The following PFDN1 variants were observed in gnomAD, a reference collection of about 807,000 sequenced individuals.
PFDN1 encodes the protein prefoldin subunit 1.
PFDN1 carries 6 observed loss-of-function variants against 17.3 expected under a neutral mutation model. The observed-to-expected ratio is 0.35, with a 90% CI of 0.19 to 0.69. The LOEUF (loss-of-function observed/expected upper bound fraction) is 0.69. Among genes scored for constraint, PFDN1 ranks in the 30% least tolerant of loss-of-function variants. The probability of loss-of-function intolerance (pLI) is 0.65; values close to 1 mark genes in which losing one functional copy is unlikely to be tolerated. For synonymous variants in PFDN1, 58 were observed against 50.1 expected (o/e 1.16, Z -0.67); for missense variants, 113 against 146.2 (o/e 0.77, Z 1.17).
At chr5:140,258,127 G>T (rs1765013461) in intron 3 of PFDN1, among the ~76,000 whole-genome samples, 1 of 152,160 alleles carries the variant, frequency 6.6e-6, no homozygotes, top group African/African-American at 2.4e-5. Flanking sequence ...CCATATTAAA[G>T]TTCTGGAATT....
chr5:140,271,200 T>C (rs557372269), intron 3 of PFDN1, among the ~76,000 whole-genome samples: 2 of 152,296 alleles, frequency 1.3e-5, no homozygotes, highest in South Asian at 4.1e-4. Context: ...CATTAAGCCC[T>C]AAGACATCAG....
At position 140,254,460 on chromosome 5, in the gene PFDN1, CT is replaced by C. The variant is rs936208905; in HGVS notation, c.286-8404del. 6.6e-6 allele frequency among the ~76,000 whole-genome samples: 1 copy of C among 152,154 alleles called. No homozygotes were observed. Among genetic ancestry groups the C allele is most frequent in the African/African-American group, 2.4e-5 (1 of 41,410 alleles). ...CATGGCATCATGCTTAGCCACCGGA[CT>C]CCCCCCTCCTTGTTGCTTCAATCTT... On this transcript the variant is annotated intron_variant, in intron 3 of 3. Coordinates refer to ENST00000261813, the MANE Select transcript of PFDN1 (RefSeq NM_002622.5). The surrounding 1 kb of genome is among the most constrained non-coding windows in gnomAD (Gnocchi z 4.4).
intron 3 of PFDN1, chr5:140,273,902 G>A: frequency 1.0e-6 from 1 of 984,780 alleles, no homozygotes; most frequent in Non-Finnish European, 1.2e-6. Context: ...TAGGTTGAAG[G>A]CTGACTTTAG....
chr5:140,302,677 G>T (rs11744366), intron 1 of PFDN1, among the ~76,000 whole-genome samples: 2,193 of 152,290 alleles, frequency 0.014, 18 homozygotes, highest in Middle Eastern at 0.034. Flanking sequence ...GGATGCCACA[G>T]CTCAGGCAAG....
At chr5:140,260,544 A>G (rs1354553790) in intron 3 of PFDN1, among the ~76,000 whole-genome samples, 6 of 151,258 alleles carry the variant, frequency 4.0e-5, no homozygotes, top group Non-Finnish European at 8.8e-5. Flanking sequence ...ATGCTATAAC[A>G]TGAATGAACC....
intron 3 of PFDN1, chr5:140,262,424 C>T (rs570362319): frequency 1.2e-4 from 53 of 431,466 alleles, no homozygotes; most frequent in African/African-American, 7.0e-4. Context: ...ATGAAGAACA[C>T]GTGACCTCCA....
intron 3 of PFDN1, among the ~76,000 whole-genome samples, chr5:140,266,682 CAG>C (rs1330049568): frequency 6.6e-6 from 1 of 152,230 alleles, no homozygotes; most frequent in Non-Finnish European, 1.5e-5. Flanking sequence ...TGAGTCAACA[CAG>C]AATGTGGAAC....
Position 140,299,141 on chromosome 5 carries a change from C to T in PFDN1, c.200+1275G>A, listed in dbSNP as rs115369897. Among the ~76,000 whole-genome samples, 533 of 152,284 alleles carry T rather than the reference C, an allele frequency of 3.5e-3. 2 individuals carry two copies. The highest frequency in any genetic ancestry group is 0.012 in the African/African-American group (519 of 41,550). On this transcript the variant is annotated intron_variant, in intron 2 of 3. Transcript: ENST00000261813. The stretch of plus-strand genomic sequence containing the variant: ...GAAAGATTTATGATTTGTATCACTC[C>T]TAATAAATTAAGCAGGGAAGAGGAG...
intron 3 of PFDN1, among the ~76,000 whole-genome samples, chr5:140,261,525 G>A (rs1011075469): frequency 1.1e-4 from 17 of 152,106 alleles, no homozygotes; most frequent in Non-Finnish European, 4.4e-5. Flanking sequence ...TAAAAGGACC[G>A]GGAGACAGTG....
intron 3 of PFDN1, among the ~76,000 whole-genome samples, chr5:140,272,346 C>T (rs1337399005): frequency 7.1e-6 from 1 of 141,430 alleles, no homozygotes; most frequent in Non-Finnish European, 1.5e-5. Context: ...AGAGATACAT[C>T]CATAGGTGGT....
intron 2 of PFDN1, among the ~76,000 whole-genome samples, chr5:140,296,580 A>T (rs1765657495): frequency 2.0e-5 from 3 of 152,190 alleles, no homozygotes; most frequent in Non-Finnish European, 4.4e-5. Context: ...TTTCACAAGG[A>T]AAAGAGGAAT....
chr5:140,255,690 T>G (rs1764976053), intron 3 of PFDN1, among the ~76,000 whole-genome samples: 2 of 152,054 alleles, frequency 1.3e-5, no homozygotes, highest in South Asian at 4.1e-4. Context: ...AGACAATGAT[T>G]TCATCCCCAC....
intron 3 of PFDN1, among the ~76,000 whole-genome samples, chr5:140,249,183 T>C (rs1006730503): frequency 6.6e-6 from 1 of 152,250 alleles, no homozygotes; most frequent in African/African-American, 2.4e-5. Context: ...AAAGATATGC[T>C]GAAGTTCTAA....
At chr5:140,272,447 A>C (rs1487555707) in intron 3 of PFDN1, among the ~76,000 whole-genome samples, 1 of 138,958 alleles carries the variant, frequency 7.2e-6, no homozygotes. Context: ...TGCAACCTCC[A>C]CCTCCCGGGT....
At chr5:140,272,915 G>A (rs1045115882) in intron 3 of PFDN1, among the ~76,000 whole-genome samples, 14 of 152,140 alleles carry the variant, frequency 9.2e-5, no homozygotes, top group African/African-American at 3.4e-4. Flanking sequence ...AATTTTTAAT[G>A]GATTATAAAC....
intron 2 of PFDN1, among the ~76,000 whole-genome samples, chr5:140,283,425 G>C (rs1199734239): frequency 1.3e-5 from 2 of 152,138 alleles, no homozygotes; most frequent in East Asian, 3.9e-4. Context: ...AGTAGAGACA[G>C]GGTTTCACCA....
At position 140,284,162 on chromosome 5, in the gene PFDN1, ATATCCTT is replaced by A. The variant is rs1300718619; in HGVS notation, c.201-2636_201-2630del. 1.4e-4 allele frequency among the ~76,000 whole-genome samples: 21 copies of A among 152,346 alleles called. No individual in the cohort carries two copies. The East Asian group carries it at 3.5e-3, about 25-fold the overall frequency. On this transcript the variant is annotated intron_variant, in intron 2 of 3. Coordinates refer to ENST00000261813, the MANE Select transcript of PFDN1 (RefSeq NM_002622.5). ...CAAAAACACGTTTTTCCATGACCAC[ATATCCTT>A]TGAGGTAGCTATACTGGACTGTGCC...
intron 3 of PFDN1, among the ~76,000 whole-genome samples, chr5:140,279,540 T>G (rs1254044033): frequency 1.3e-5 from 2 of 151,894 alleles, no homozygotes; most frequent in African/African-American, 4.8e-5. Context: ...GGTCTTGTTA[T>G]GTTGCGCAGG....
At chr5:140,252,834 C>T (rs559605946) in intron 3 of PFDN1, among the ~76,000 whole-genome samples, 2 of 152,308 alleles carry the variant, frequency 1.3e-5, no homozygotes, top group African/African-American at 4.8e-5. Flanking sequence ...ACGGCTGCAG[C>T]AGGCAGGGGC....
Sources: allele counts gnomAD v4.1 joint callset (sites outside exome capture counted in the v4.1 genomes callset), GRCh38; gene constraint gnomAD v4.1.1; non-coding constraint Gnocchi (gnomAD v3.1); transcripts MANE v1.5; gene names NCBI Gene and HGNC (gene_info 2026-07-23, HGNC 2026-07-21).